Variants in RAPH1 observed in about 807,000 individuals in gnomAD.
RAPH1 encodes Ras association (RalGDS/AF-6) and pleckstrin homology domains 1.
RAPH1 carries 18 observed loss-of-function variants against 88.1 expected under a neutral mutation model. The ratio of observed to expected loss-of-function variants is 0.20; its 90% CI spans 0.14 to 0.30. The LOEUF (loss-of-function observed/expected upper bound fraction) is 0.30, where lower values mean the gene tolerates loss of function less well. Ranked by LOEUF, RAPH1 falls within the 10% of genes least tolerant of loss-of-function variation. RAPH1 has a pLI of 1.00. For synonymous variants in RAPH1, 587 were observed against 559.0 expected (o/e 1.05, Z -0.71); for missense variants, 1,448 against 1,543.2 (o/e 0.94, Z 1.03).
chr2:203,460,815 G>C (rs193085505), intron 6 of RAPH1, among the ~76,000 whole-genome samples: 3 of 152,048 alleles, frequency 2.0e-5, no homozygotes, highest in Admixed American at 1.3e-4. Context: ...TAATTTTATC[G>C]AAAAAATATA....
intron 3 of RAPH1, 105 bp downstream of exon 3, chr2:203,491,109 T>A: frequency 1.6e-6 from 1 of 615,650 alleles, no homozygotes; most frequent in Non-Finnish European, 2.8e-6. Context: ...GAGTTATGCA[T>A]GTAGCTTTTA....
chr2:203,500,933 AGTTAT>A (rs1688714167), intron 1 of RAPH1, among the ~76,000 whole-genome samples: 1 of 152,142 alleles, frequency 6.6e-6, no homozygotes. Flanking sequence ...CTTTATTTCC[AGTTAT>A]GTTTCAGTAG....
chr2:203,503,804 C>G (rs564151564), intron 1 of RAPH1, among the ~76,000 whole-genome samples: 2 of 152,266 alleles, frequency 1.3e-5, no homozygotes, highest in Admixed American at 1.3e-4. Flanking sequence ...AATGGGGGTA[C>G]AGGTATTGGG....
chr2:203,462,084 A>G (rs889391890), intron 4 of RAPH1, among the ~76,000 whole-genome samples, 159 bp from the exon 5 acceptor site: 2 of 152,250 alleles, frequency 1.3e-5, no homozygotes, highest in Non-Finnish European at 2.9e-5. Flanking sequence ...GAGCAGACAT[A>G]TTATAAAGAA....
Position 203,482,348 on chromosome 2 carries a change from G to A in RAPH1, c.732+7236C>T, listed in dbSNP as rs556726732. 5.0e-4 allele frequency among the ~76,000 whole-genome samples: 76 copies of A among 152,100 alleles called. No homozygotes were observed. In the Middle Eastern group the frequency reaches 0.014, roughly 27 times the overall value. Reference sequence around the variant, plus strand: ...TTACAGGTGCCCGCCACCATGCCTGGCTAATTTATGTATTTTTAGTAGAGA... The same window carrying A: ...TTACAGGTGCCCGCCACCATGCCTGACTAATTTATGTATTTTTAGTAGAGA... On this transcript the variant is annotated intron_variant, in intron 4 of 13. Transcript: ENST00000319170.
intron 4 of RAPH1, among the ~76,000 whole-genome samples, chr2:203,487,072 A>G (rs758319127): frequency 2.6e-5 from 4 of 152,164 alleles, no homozygotes; most frequent in African/African-American, 4.8e-5. Flanking sequence ...TTTTACTTCA[A>G]TTTGCCCCTA....
Position 203,438,409 on chromosome 2 carries a change from A to T in RAPH1, c.*1028T>A. ...TTCATAATGCACCATATTGGGGCAC[A>T]GGATGTGTATATTTCATATACCAAT... On this transcript the variant is annotated 3_prime_UTR_variant, in exon 14 of 14. Coordinates refer to ENST00000319170, the MANE Select transcript of RAPH1 (RefSeq NM_213589.3). 1 of 345,490 alleles carries T rather than the reference A, an allele frequency of 2.9e-6. No individual in the cohort carries two copies. The highest frequency in any genetic ancestry group is 2.2e-5 in the South Asian group (1 of 45,046). The allele number at this position is 345,490 out of a possible 1,614,324, so 21.4% of individuals were successfully genotyped here. A position where few individuals can be genotyped will look rare whatever the true frequency, so the allele number is the denominator to read the frequency against.
intron 4 of RAPH1, among the ~76,000 whole-genome samples, chr2:203,487,896 C>T (rs980880178): frequency 1.3e-5 from 2 of 151,920 alleles, no homozygotes; most frequent in Non-Finnish European, 2.9e-5. Flanking sequence ...GAGTTACCTA[C>T]TGATGGAAAT....
intron 1 of RAPH1, among the ~76,000 whole-genome samples, chr2:203,511,333 C>T (rs1689333366): frequency 6.7e-6 from 1 of 149,506 alleles, no homozygotes; most frequent in African/African-American, 2.5e-5. Flanking sequence ...TCAAAAGAAA[C>T]CAACACATTC....
intron 4 of RAPH1, among the ~76,000 whole-genome samples, chr2:203,477,696 A>T (rs1687527531): frequency 6.6e-6 from 1 of 152,180 alleles, no homozygotes; most frequent in Admixed American, 6.5e-5. Context: ...TTCTAGATGA[A>T]TAATGTGTTT....
intron 1 of RAPH1, among the ~76,000 whole-genome samples, chr2:203,498,881 T>C (rs1688622550): frequency 6.6e-6 from 1 of 152,210 alleles, no homozygotes; most frequent in Non-Finnish European, 1.5e-5. Context: ...GCTTATACGG[T>C]GGTCCCATAA....
In RAPH1 at chr2:203,434,487, C is replaced by CTGAT. The variant is rs2098496729; in HGVS notation, c.*4946_*4949dup. 6.6e-6 allele frequency: 1 copy of CTGAT among 150,716 alleles called. No homozygotes were observed. Among genetic ancestry groups the CTGAT allele is most frequent in the Admixed American group, 6.6e-5 (1 of 15,052 alleles). 9.3% of individuals were successfully genotyped at this position (150,716 alleles called of 1,614,324 possible). On this transcript the variant is annotated 3_prime_UTR_variant, in exon 14 of 14. Transcript: ENST00000319170. ...CATCTCTGTAAGAGTTCACTAGTGG[C>CTGAT]TGATAGTAAAATGAAGCAAAATTGT...
chr2:203,438,648 T>C lies in RAPH1; in HGVS notation c.*789A>G, dbSNP rs1177879169. 1 of 164,340 alleles carries C rather than the reference T, an allele frequency of 6.1e-6. No individual in the cohort carries two copies. Among genetic ancestry groups the C allele is most frequent in the Non-Finnish European group, 1.3e-5 (1 of 76,060 alleles). 10.2% of individuals were successfully genotyped at this position (164,340 alleles called of 1,614,324 possible). A position where few individuals can be genotyped will look rare whatever the true frequency, so the allele number is the denominator to read the frequency against. ...CCAGAATTATAGCACTAATTATCCA[T>C]GTATTGTAGGCAAAGAGCTTATCTG... On this transcript the variant is annotated 3_prime_UTR_variant, in exon 14 of 14. Transcript: ENST00000319170.
intron 6 of RAPH1, among the ~76,000 whole-genome samples, chr2:203,460,383 G>C (rs1455400999): frequency 6.6e-6 from 1 of 151,990 alleles, no homozygotes; most frequent in East Asian, 1.9e-4. Context: ...TTTAGTTCTT[G>C]GCATTTAAAA....
chr2:203,524,294 TAGGATA>T (rs1690022318), intron 1 of RAPH1, among the ~76,000 whole-genome samples: 1 of 152,166 alleles, frequency 6.6e-6, no homozygotes, highest in Non-Finnish European at 1.5e-5. Flanking sequence ...TACCAAGTCT[TAGGATA>T]TACACCAAGT....
chr2:203,444,041 G>A (rs1463157094), intron 13 of RAPH1: 1 of 135,364 alleles, frequency 7.4e-6, no homozygotes, highest in Non-Finnish European at 1.6e-5. Context: ...GGAAAGGAAG[G>A]GAAGGAAGGG....
chr2:203,498,309 C>A (rs1221482373), intron 1 of RAPH1, among the ~76,000 whole-genome samples: 1 of 152,084 alleles, frequency 6.6e-6, no homozygotes, highest in Non-Finnish European at 1.5e-5. Flanking sequence ...CTATATTCTC[C>A]ATAGTAAAAA....
chr2:203,446,079 C>G (rs890934940), intron 12 of RAPH1: 1 of 152,202 alleles, frequency 6.6e-6, no homozygotes, highest in Admixed American at 6.5e-5. Flanking sequence ...ACGCTCCACA[C>G]TTTATTTGGA....
chr2:203,491,382 G>A, intron 2 of RAPH1, 63 bp from the exon 3 acceptor site: 2 of 1,175,516 alleles, frequency 1.7e-6, no homozygotes, highest in Non-Finnish European at 2.4e-6. Flanking sequence ...AAAAAAAGAT[G>A]AAGTTTGTTT....
Sources: allele counts gnomAD v4.1 joint callset (sites outside exome capture counted in the v4.1 genomes callset), GRCh38; gene constraint gnomAD v4.1.1; transcripts MANE v1.5; gene names NCBI Gene and HGNC (gene_info 2026-07-23, HGNC 2026-07-21).